NRXN3: variants seen among roughly 807,000 people sequenced by gnomAD.
NRXN3 encodes the protein neurexin III.
In NRXN3, 32 loss-of-function variants were observed where a neutral mutation model predicts 137.6. The observed-to-expected ratio is 0.23, with a 90% confidence interval of 0.18 to 0.31. The LOEUF is 0.31. NRXN3 is among the 10% of genes least tolerant of loss of function. The pLI, the probability that NRXN3 is intolerant of heterozygous loss-of-function variation, is 1.00. For synonymous variants in NRXN3, 798 were observed against 784.5 expected (o/e 1.02, Z -0.29); for missense variants, 1,574 against 2,062.5 (o/e 0.76, Z 4.59).
chr14:79,246,296 C>G (rs2075173520), intron 15 of NRXN3, among the ~76,000 whole-genome samples: 1 of 152,212 alleles, frequency 6.6e-6, no homozygotes, highest in South Asian at 2.1e-4. Flanking sequence ...CTAATCTAGC[C>G]TGACTGACCT....
chr14:78,665,035 AAGAGTGGGAG>A (rs1358013348), intron 6 of NRXN3, among the ~76,000 whole-genome samples: 5 of 152,210 alleles, frequency 3.3e-5, no homozygotes, highest in African/African-American at 9.6e-5. Flanking sequence ...AATCTGTTCA[AAGAGTGGGAG>A]TGTGTGGTGA....
At chr14:79,087,512 A>G (rs533383501) in intron 15 of NRXN3, among the ~76,000 whole-genome samples, 9 of 152,344 alleles carry the variant, frequency 5.9e-5, no homozygotes, top group African/African-American at 2.2e-4. Flanking sequence ...GCTCTGCTCT[A>G]TGGAAACACA....
chr14:79,278,717 A>G (rs951779562), intron 15 of NRXN3, among the ~76,000 whole-genome samples: 7 of 152,206 alleles, frequency 4.6e-5, no homozygotes, highest in African/African-American at 1.7e-4. Flanking sequence ...ACCTTCTGGA[A>G]GGACTGCCAA....
chr14:79,459,124 C>T (rs2096293374), intron 15 of NRXN3, among the ~76,000 whole-genome samples: 1 of 152,046 alleles, frequency 6.6e-6, no homozygotes, highest in Non-Finnish European at 1.5e-5. Context: ...GATTAAAGTC[C>T]TAATTCCATT....
rs374365021 is a variant in NRXN3, at chr14:79,379,287, G to T, written c.3263-87934G>T. Among the ~76,000 whole-genome samples the T allele has an allele frequency of 5.3e-5, 8 of 152,182 alleles. No individual in the cohort carries two copies. In the East Asian group the frequency reaches 1.4e-3, roughly 26 times the overall value. ...GCATAAGGTGGTCATTGTGTGTGAC[G>T]GTGTTTTCTGTTTAGTGAAGACAAA... is the stretch of plus-strand genomic sequence containing the variant. On this transcript the variant is annotated intron_variant, in intron 15 of 20. Coordinates refer to ENST00000335750, the MANE Select transcript of NRXN3 (RefSeq NM_001330195.2).
At chr14:78,222,981 A>G (rs1461129173) in intron 1 of NRXN3, among the ~76,000 whole-genome samples, 2 of 152,266 alleles carry the variant, frequency 1.3e-5, no homozygotes, top group African/African-American at 2.4e-5. Flanking sequence ...CCATCTCCAC[A>G]TAAAAGAATT....
chr14:78,316,448 G>A (rs1227063394), intron 4 of NRXN3, among the ~76,000 whole-genome samples: 3 of 152,192 alleles, frequency 2.0e-5, no homozygotes, highest in Non-Finnish European at 2.9e-5. Context: ...TGGAGATGCA[G>A]GAAGGGAGGG....
In NRXN3 at chr14:78,961,648, C is replaced by T. The variant is rs1390030760; in HGVS notation, c.2395+4287C>T. Among the ~76,000 whole-genome samples the T allele has an allele frequency of 2.6e-5, 4 of 152,228 alleles. No individual in the cohort carries two copies. In the East Asian group the frequency reaches 7.7e-4, roughly 29 times the overall value. On this transcript the variant is annotated intron_variant, in intron 11 of 20. Transcript: ENST00000335750. ...CGTTTAACCCTGCTAACTTCATATC[C>T]GTTTTACAGATGGGGATCTGAGGCA...
chr14:79,496,322 G>A (rs2153664527), intron 16 of NRXN3, among the ~76,000 whole-genome samples: 1 of 151,878 alleles, frequency 6.6e-6, no homozygotes, highest in East Asian at 1.9e-4. Context: ...TACTAGCGCA[G>A]TAAGAGCAGT....
intron 15 of NRXN3, among the ~76,000 whole-genome samples, chr14:79,459,445 G>T (rs1291831952): frequency 6.6e-6 from 1 of 151,964 alleles, no homozygotes; most frequent in Admixed American, 6.6e-5. Flanking sequence ...GGCATAGATT[G>T]GTACAAAGGG....
At chr14:79,384,510 CA>C (rs1956755455) in intron 15 of NRXN3, among the ~76,000 whole-genome samples, 1 of 152,076 alleles carries the variant, frequency 6.6e-6, no homozygotes, top group East Asian at 1.9e-4. Context: ...TTGAACGATA[CA>C]GGAAGTACTC....
chr14:78,948,628 C>CTTTTTT (rs201010514), intron 10 of NRXN3, among the ~76,000 whole-genome samples: 1 of 108,606 alleles, frequency 9.2e-6, no homozygotes, highest in Non-Finnish European at 1.9e-5. Context: ...ACACATTTAA[C>CTTTTTT]TTTTTTTTTT....
At chr14:78,263,392 A>G (rs934823392) in intron 2 of NRXN3, among the ~76,000 whole-genome samples, 1 of 152,206 alleles carries the variant, frequency 6.6e-6, no homozygotes, top group African/African-American at 2.4e-5. Flanking sequence ...TTCAGCATTA[A>G]TCAAGATACT....
chr14:79,816,193 A>G (rs1441213038), intron 20 of NRXN3, among the ~76,000 whole-genome samples: 2 of 152,254 alleles, frequency 1.3e-5, no homozygotes, highest in East Asian at 1.9e-4. Flanking sequence ...ATACCTGCAC[A>G]TAAATGGTAG....
intron 19 of NRXN3, among the ~76,000 whole-genome samples, chr14:79,768,188 A>G (rs7146230): frequency 0.52 from 79,573 of 152,038 alleles, 21,411 homozygotes; most frequent in Middle Eastern, 0.66. Context: ...CAGCAGCCAG[A>G]CTGGGGGAGG....
intron 16 of NRXN3, among the ~76,000 whole-genome samples, chr14:79,636,289 G>A (rs564552922): frequency 3.3e-5 from 5 of 152,178 alleles, no homozygotes; most frequent in South Asian, 2.1e-4. Flanking sequence ...ATATCAGTAC[G>A]ATGGTGCCCC....
Position 79,045,563 on chromosome 14 carries a change from G to A in NRXN3, c.3262+57422G>A, listed in dbSNP as rs548370189. Among the ~76,000 whole-genome samples the A allele has an allele frequency of 5.3e-5, 8 of 151,844 alleles. No individual in the cohort carries two copies. The East Asian group carries it at 1.4e-3, about 26-fold the overall frequency. ...GGTTCCCATGGATGTTCTCTCTGTG[G>A]CGTCATCTCACAAATGAGAAGACCT... On this transcript the variant is annotated intron_variant, in intron 15 of 20. Transcript: ENST00000335750.
intron 1 of NRXN3, among the ~76,000 whole-genome samples, chr14:78,184,362 CTT>C (rs199606675): frequency 2.2e-3 from 328 of 152,328 alleles, no homozygotes; most frequent in African/African-American, 7.0e-3. Flanking sequence ...CCACTCATGT[CTT>C]TGAGCTTCCA....
At chr14:78,901,617 T>C (rs1282519270) in intron 10 of NRXN3, among the ~76,000 whole-genome samples, 2 of 152,050 alleles carry the variant, frequency 1.3e-5, no homozygotes, top group Non-Finnish European at 2.9e-5. Flanking sequence ...CAGAATTTCA[T>C]GTCCCCTTCT....
Sources: gnomAD v4.1 joint callset for allele counts (sites outside exome capture counted in the v4.1 genomes callset) on GRCh38, gnomAD v4.1.1 for gene constraint, MANE v1.5 for transcripts, NCBI Gene and HGNC (gene_info 2026-07-23, HGNC 2026-07-21) for gene names.